LPA: variants seen among roughly 807,000 people sequenced by gnomAD.
LPA encodes lipoprotein(a), also known as apolipoprotein(a).
A neutral mutation model predicts 197.9 loss-of-function variants in LPA; 199 were observed. That is an observed-to-expected ratio of 1.01 (90% confidence interval 0.90 to 1.13). LPA has a LOEUF of 1.13. LPA is among the 50% of genes most tolerant of loss of function. The pLI is 0.00. For missense variants in LPA, 1,853 were observed against 1,785.8 expected, an observed-to-expected ratio of 1.04 and a Z score of -0.68; for synonymous variants, 715 against 639.5, an observed-to-expected ratio of 1.12 and a Z score of -1.78.
At chr6:160,599,798 T>C in intron 19 of LPA, 139 bp from the exon 20 acceptor site, 2 of 880,678 alleles carry the variant, frequency 2.3e-6, no homozygotes, top group East Asian at 5.2e-5. Context: ...CAAATGGACA[T>C]GAGAAAACAC....
intron 7 of LPA, among the ~76,000 whole-genome samples, chr6:160,634,756 C>A (rs1444785169): frequency 9.2e-5 from 14 of 151,742 alleles, no homozygotes; most frequent in African/African-American, 2.2e-4. Context: ...ATTGCACTGA[C>A]TGCTGGCTAC....
chr6:160,570,931 G>A (rs1380790200), intron 28 of LPA, among the ~76,000 whole-genome samples: 8 of 152,096 alleles, frequency 5.3e-5, no homozygotes, highest in Non-Finnish European at 1.2e-4. Context: ...TGCTAGGTTG[G>A]GGAAGTTCTC....
In LPA at chr6:160,537,957, CA is replaced by C; in HGVS notation, c.5739del (p.Ala1914ProfsTer7). On this transcript the variant is annotated frameshift_variant, in exon 37 of 39. Coordinates refer to ENST00000316300, the MANE Select transcript of LPA (RefSeq NM_005577.4). LOFTEE classifies it high-confidence loss of function. ...GGCATTACTTTGTCAGTGATGACGG[CA>C]GGCCTGTAAGGAAAGTATTAGCAGT... ...ADIALLKLSR[P>X]AVITDKVMPA... 1 of 1,614,072 alleles carries C rather than the reference CA, an allele frequency of 6.2e-7. No homozygotes were observed. The highest frequency in any genetic ancestry group is 8.5e-7 in the Non-Finnish European group (1 of 1,179,910).
At chr6:160,565,262 G>T (rs1354457129) in intron 28 of LPA, among the ~76,000 whole-genome samples, 1 of 152,140 alleles carries the variant, frequency 6.6e-6, no homozygotes, top group Non-Finnish European at 1.5e-5. Context: ...CCTAACTGGG[G>T]GACACCTCCC....
chr6:160,635,692 C>T (rs1428668224), intron 6 of LPA, among the ~76,000 whole-genome samples: 2 of 116,984 alleles, frequency 1.7e-5, no homozygotes, highest in African/African-American at 3.8e-5. Context: ...CATGCAAATG[C>T]ATCTGTATCT....
intron 1 of LPA, among the ~76,000 whole-genome samples, chr6:160,654,097 T>C (rs1468884718): frequency 2.0e-5 from 1 of 49,906 alleles, no homozygotes; most frequent in Non-Finnish European, 3.7e-5. Context: ...ATATTATATA[T>C]AATATAATAT....
At position 160,635,231 on chromosome 6, in the gene LPA, C is replaced by A. The variant is rs1779791298; in HGVS notation, c.967G>T (p.Val323Phe). 1 of 1,288,824 alleles carries A rather than the reference C, an allele frequency of 7.8e-7. No individual in the cohort carries two copies. Among genetic ancestry groups the A allele is most frequent in the Admixed American group, 1.7e-5 (1 of 57,160 alleles). 79.8% of individuals were successfully genotyped at this position (1,288,824 alleles called of 1,614,324 possible). ...APYCYTRDPG[V>F]RWEYCNLTQC... Reference sequence around the variant, plus strand: ...GTCAGGTTGCAGTACTCCCACCTGACACCGGGATCCCTCGTATAACAATAA... The same window carrying A: ...GTCAGGTTGCAGTACTCCCACCTGAAACCGGGATCCCTCGTATAACAATAA... The change falls in exon 7 of 39, where the codon GTC becomes TTC. Residue 323 changes from valine to phenylalanine, a missense_variant. Transcript: ENST00000316300.
chr6:160,569,786 GA>G lies in LPA; in HGVS notation c.4631+7349del, dbSNP rs554709754. Reference sequence around the variant, plus strand: ...ACAAAGAACATAAACAAATTTACAAGAAAAAAAATCAAACAACCCCATCAAA... The same window carrying G: ...ACAAAGAACATAAACAAATTTACAAGAAAAAAATCAAACAACCCCATCAAA... On this transcript the variant is annotated intron_variant, in intron 28 of 38. Coordinates refer to ENST00000316300, the MANE Select transcript of LPA (RefSeq NM_005577.4). Among the ~76,000 whole-genome samples the G allele has an allele frequency of 2.3e-3, 346 of 151,738 alleles. 1 individual carries two copies. Among genetic ancestry groups the G allele is most frequent in the African/African-American group, 7.9e-3 (328 of 41,364 alleles).
Position 160,578,607 on chromosome 6 carries a change from T to C in LPA, c.4387A>G (p.Thr1463Ala). 4 of 1,614,018 alleles carry C rather than the reference T, an allele frequency of 2.5e-6. No homozygotes were observed. Among genetic ancestry groups the C allele is most frequent in the Non-Finnish European group, 3.4e-6 (4 of 1,179,932 alleles). Reference protein sequence around the residue: ...PSVRWEYCNLTRCPVTESSVL... With the variant: ...PSVRWEYCNLARCPVTESSVL... ...CTCGATTCTGTCACTGGACATCGTG[T>C]CAGGTTGCAGTACTCCCACCTGACA... is the stretch of plus-strand genomic sequence containing the variant. Residue 1463 changes from threonine to alanine, a missense_variant, in exon 27 of 39, where the codon ACA becomes GCA. Thr to Ala is a moderately conservative substitution (Grantham distance 58, BLOSUM62 0). Transcript: ENST00000316300.
At chr6:160,590,158 G>T (rs935762518) in intron 23 of LPA, among the ~76,000 whole-genome samples, 1 of 152,200 alleles carries the variant, frequency 6.6e-6, no homozygotes, top group Non-Finnish European at 1.5e-5. Flanking sequence ...GTTTCTGGAA[G>T]ATGGGGCAGG....
At chr6:160,602,417 A>G (rs1249995859) in intron 18 of LPA, among the ~76,000 whole-genome samples, 2 of 152,218 alleles carry the variant, frequency 1.3e-5, no homozygotes, top group Non-Finnish European at 2.9e-5. Flanking sequence ...ATTATTCCCC[A>G]CATGATTTAG....
chr6:160,605,881 G>A (rs1779339058), intron 17 of LPA, among the ~76,000 whole-genome samples: 1 of 152,090 alleles, frequency 6.6e-6, no homozygotes, highest in African/African-American at 2.4e-5. Flanking sequence ...CCGCTCACAG[G>A]TACAACTGCC....
At chr6:160,586,887 C>A (rs1030608788) in intron 24 of LPA, among the ~76,000 whole-genome samples, 2 of 152,102 alleles carry the variant, frequency 1.3e-5, no homozygotes, top group Admixed American at 6.5e-5. Flanking sequence ...TCAATGTGTA[C>A]CAGAAAGGAT....
intron 29 of LPA, 89 bp downstream of exon 29, chr6:160,557,301 A>T: frequency 1.4e-6 from 2 of 1,459,142 alleles, no homozygotes; most frequent in Non-Finnish European, 1.9e-6. Context: ...GTTTCTGTGT[A>T]GCATGGAAGG....
intron 28 of LPA, among the ~76,000 whole-genome samples, chr6:160,572,540 G>A (rs1778581654): frequency 6.6e-6 from 1 of 151,704 alleles, no homozygotes. Context: ...GTTTTCATGT[G>A]TTTCTAGGAT....
chr6:160,568,390 C>T (rs1289011347), intron 28 of LPA, among the ~76,000 whole-genome samples: 2 of 152,196 alleles, frequency 1.3e-5, no homozygotes, highest in East Asian at 1.9e-4. Flanking sequence ...ACAAAAACCA[C>T]ATGATTATCT....
chr6:160,653,826 T>G (rs1291210203), intron 1 of LPA, among the ~76,000 whole-genome samples: 1 of 144,436 alleles, frequency 6.9e-6, no homozygotes, highest in Admixed American at 7.4e-5. Context: ...GTAGGTTTTA[T>G]TCCTGGGATA....
intron 16 of LPA, 39 bp downstream of exon 16, chr6:160,611,523 T>C (rs368233464): frequency 6.2e-7 from 1 of 1,606,116 alleles, no homozygotes; most frequent in Non-Finnish European, 8.5e-7. Flanking sequence ...AAACTTCAGT[T>C]GGCCCTTTAT....
At chr6:160,563,998 T>C (rs979102325) in intron 28 of LPA, among the ~76,000 whole-genome samples, 6 of 152,178 alleles carry the variant, frequency 3.9e-5, no homozygotes. Context: ...AGCAAACCAA[T>C]GGGTCTTGAC....
Sources: gnomAD v4.1 joint callset for allele counts (sites outside exome capture counted in the v4.1 genomes callset) on GRCh38, gnomAD v4.1.1 for gene constraint, MANE v1.5 for transcripts, NCBI Gene and HGNC (gene_info 2026-07-23, HGNC 2026-07-21) for gene names.